S100Z: variants seen among roughly 807,000 people sequenced by gnomAD.
The protein encoded by S100Z is S100 calcium binding protein Z.
Under a neutral mutation model 8.5 loss-of-function variants are expected in S100Z, and 11 were observed. The ratio of observed to expected loss-of-function variants is 1.30; its 90% CI spans 0.82 to 2.15. The LOEUF is 2.15. Among genes scored for constraint, S100Z ranks in the 30% most tolerant of loss-of-function variants. The pLI, the probability that S100Z is intolerant of heterozygous loss-of-function variation, is 0.00. For missense variants in S100Z, 126 were observed against 117.9 expected (o/e 1.07, Z -0.32); for synonymous variants, 34 against 43.8 (o/e 0.78, Z 0.89).
chr5:76,886,918 T>C (rs907147724), intron 4 of S100Z, among the ~76,000 whole-genome samples: 4 of 152,028 alleles, frequency 2.6e-5, no homozygotes, highest in Non-Finnish European at 5.9e-5. Context: ...TTAAGGCTAT[T>C]TTCACTTCTT....
chr5:76,931,503 C>T, the S100Z span, among the ~76,000 whole-genome samples: 1 of 152,116 alleles, frequency 6.6e-6, no homozygotes, highest in East Asian at 1.9e-4. Flanking sequence ...TCCAAAGGTC[C>T]CATCTCCAAA....
rs115166300 is a variant in S100Z at position 76,864,537 on chromosome 5, G to A, written c.-175-5629G>A. 6.4e-3 allele frequency among the ~76,000 whole-genome samples: 966 copies of A among 151,046 alleles called. 7 individuals are homozygous for A. The highest frequency in any genetic ancestry group is 0.022 in the African/African-American group (904 of 41,172). ...ACACCTCAGCCTCCCAGAGGCAGGT[G>A]GAACCACAGGCGCATGACACCACAT... On this transcript the variant is annotated intron_variant, in intron 1 of 4. Coordinates refer to ENST00000317593, the MANE Select transcript of S100Z (RefSeq NM_130772.4).
chr5:76,863,170 C>T lies in S100Z; in HGVS notation c.-175-6996C>T, dbSNP rs577194931. On this transcript the variant is annotated intron_variant, in intron 1 of 4. Coordinates refer to ENST00000317593, the MANE Select transcript of S100Z (RefSeq NM_130772.4). ...AATTATCTAAACCTGTTTTTCTGGA[C>T]GGTAGGGGCCAGGAGGAAAAGAGTA... 5.9e-5 allele frequency among the ~76,000 whole-genome samples: 9 copies of T among 152,262 alleles called. No homozygotes were observed. In the South Asian group the frequency reaches 6.2e-4, roughly 11 times the overall value.
At chr5:76,907,036 A>ATATATG in intron 4 of S100Z, among the ~76,000 whole-genome samples, 1 of 138,420 alleles carries the variant, frequency 7.2e-6, no homozygotes, top group African/African-American at 2.8e-5. Context: ...ATATATATAT[A>ATATATG]CCAAATTTTC....
At chr5:76,937,925 C>T in the S100Z span, among the ~76,000 whole-genome samples, 1 of 151,718 alleles carries the variant, frequency 6.6e-6, no homozygotes, top group Non-Finnish European at 1.5e-5. Flanking sequence ...ATGGTGAAAC[C>T]CTGTCTCTAC....
At chr5:76,870,937 C>CA (rs1742984711) in intron 2 of S100Z, among the ~76,000 whole-genome samples, 1 of 152,082 alleles carries the variant, frequency 6.6e-6, no homozygotes, top group Non-Finnish European at 1.5e-5. Flanking sequence ...GCGTGGGCAA[C>CA]ATAGCAAGAC....
At position 76,911,623 on chromosome 5, in the gene S100Z, G is replaced by A. The variant is rs190723177; in HGVS notation, c.*3-9094G>A. Among the ~76,000 whole-genome samples, 764 of 152,318 alleles carry A rather than the reference G, an allele frequency of 5.0e-3. 7 individuals are homozygous for A. Among genetic ancestry groups the A allele is most frequent in the African/African-American group, 0.017 (716 of 41,566 alleles). ...CAAGTCCAGGCACTCTGGTCCTTCA[G>A]TATGTGGATAATTTACTTTTGGCTA... On this transcript the variant is annotated intron_variant, in intron 4 of 4. Coordinates refer to ENST00000317593, the MANE Select transcript of S100Z (RefSeq NM_130772.4).
At chr5:76,884,165 C>T (rs1743515568) in intron 4 of S100Z, among the ~76,000 whole-genome samples, 1 of 152,186 alleles carries the variant, frequency 6.6e-6, no homozygotes, top group Admixed American at 6.5e-5. Flanking sequence ...GGGTCTAGGG[C>T]AGTAAAGTGT....
At position 76,914,582 on chromosome 5, in the gene S100Z, C is replaced by T. The variant is rs151094273; in HGVS notation, c.*3-6135C>T. Reference sequence around the variant, plus strand: ...CTTGCTGCTGCTCACTCTTTGGGTCCGCACTAACTTCATGAGTTGTCACAC... The same window carrying T: ...CTTGCTGCTGCTCACTCTTTGGGTCTGCACTAACTTCATGAGTTGTCACAC... On this transcript the variant is annotated intron_variant, in intron 4 of 4. Transcript: ENST00000317593. 1.6e-3 allele frequency among the ~76,000 whole-genome samples: 239 copies of T among 152,202 alleles called. 6 individuals are homozygous for T. The East Asian group carries it at 0.032, about 21-fold the overall frequency.
chr5:76,912,837 AC>A (rs1744715122), intron 4 of S100Z, among the ~76,000 whole-genome samples: 1 of 151,908 alleles, frequency 6.6e-6, no homozygotes, highest in African/African-American at 2.4e-5. Context: ...AGAGAAAGAG[AC>A]AGAAAGAGAG....
At chr5:76,909,555 C>T (rs544548862) in intron 4 of S100Z, among the ~76,000 whole-genome samples, 3 of 152,292 alleles carry the variant, frequency 2.0e-5, no homozygotes, top group Admixed American at 6.5e-5. Context: ...CAGCTTACCC[C>T]CTTATCCTAG....
intron 4 of S100Z, among the ~76,000 whole-genome samples, chr5:76,884,931 C>T (rs890274933): frequency 6.6e-5 from 10 of 151,988 alleles, no homozygotes; most frequent in South Asian, 2.1e-4. Context: ...AGATTTGGGA[C>T]GAGTCTCACT....
chr5:76,863,019 T>C (rs758860136), intron 1 of S100Z, among the ~76,000 whole-genome samples: 2 of 152,238 alleles, frequency 1.3e-5, no homozygotes, highest in Non-Finnish European at 2.9e-5. Context: ...ACCATGAACC[T>C]GGACAACTCA....
At chr5:76,923,522 G>A (rs774313269), downstream of S100Z, among the ~76,000 whole-genome samples, 1 of 152,134 alleles carries the variant, frequency 6.6e-6, no homozygotes, top group Non-Finnish European at 1.5e-5. Flanking sequence ...CACCCCAATG[G>A]GGGAGGGCAG....
intron 1 of S100Z, among the ~76,000 whole-genome samples, chr5:76,858,205 A>G (rs955232370): frequency 1.4e-4 from 22 of 152,316 alleles, no homozygotes; most frequent in African/African-American, 5.1e-4. Context: ...TCATGGCACC[A>G]ACTGGCTTAG....
chr5:76,916,212 T>C (rs1580067799), intron 4 of S100Z, among the ~76,000 whole-genome samples: 1 of 145,914 alleles, frequency 6.9e-6, no homozygotes. Flanking sequence ...TTACTAATAA[T>C]AAAAGTATAA....
chr5:76,862,235 G>A (rs552829409), intron 1 of S100Z, among the ~76,000 whole-genome samples: 14 of 152,110 alleles, frequency 9.2e-5, no homozygotes, highest in Non-Finnish European at 1.5e-4. Context: ...GCTGAAGAAG[G>A]AGAATAGGGA....
intron 1 of S100Z, among the ~76,000 whole-genome samples, chr5:76,857,227 G>A (rs1040008766): frequency 6.6e-6 from 1 of 152,092 alleles, no homozygotes; most frequent in Non-Finnish European, 1.5e-5. Context: ...GGGAGGTGGA[G>A]GTTGCAGTGA....
At chr5:76,893,708 AAG>A (rs1743941972) in intron 4 of S100Z, among the ~76,000 whole-genome samples, 1 of 152,140 alleles carries the variant, frequency 6.6e-6, no homozygotes, top group Admixed American at 6.5e-5. Context: ...AGGGACTAAA[AAG>A]AGATTCCCTT....
Sources: allele counts gnomAD v4.1 joint callset (sites outside exome capture counted in the v4.1 genomes callset), GRCh38; gene constraint gnomAD v4.1.1; transcripts MANE v1.5; gene names NCBI Gene and HGNC (gene_info 2026-07-23, HGNC 2026-07-21).